LSAMP: variants seen among roughly 807,000 people sequenced by gnomAD.
LSAMP encodes the protein limbic system-associated membrane protein.
A neutral mutation model predicts 38.6 loss-of-function variants in LSAMP; 7 were observed. The ratio of observed to expected loss-of-function variants is 0.18; its 90% CI spans 0.10 to 0.34. The LOEUF (loss-of-function observed/expected upper bound fraction) is 0.34. Ranked by LOEUF, LSAMP falls within the 10% of genes least tolerant of loss-of-function variation. The probability of loss-of-function intolerance (pLI) is 1.00; values close to 1 mark genes in which losing one functional copy is unlikely to be tolerated. For synonymous variants in LSAMP, 154 were observed against 166.8 expected, an observed-to-expected ratio of 0.92 and a Z score of 0.59; for missense variants, 313 against 420.0, an observed-to-expected ratio of 0.75 and a Z score of 2.23.
At chr3:116,377,848 C>G (rs2048514057) in intron 1 of LSAMP, among the ~76,000 whole-genome samples, 1 of 151,838 alleles carries the variant, frequency 6.6e-6, no homozygotes. Context: ...TTCTTTTAAC[C>G]AATTAGAAGA....
At chr3:116,215,257 C>T (rs1576438285) in intron 1 of LSAMP, among the ~76,000 whole-genome samples, 1 of 152,182 alleles carries the variant, frequency 6.6e-6, no homozygotes, top group Non-Finnish European at 1.5e-5. Flanking sequence ...TTCCTTCCAT[C>T]TATGATGAAA....
chr3:115,999,803 C>G (rs577234991), intron 3 of LSAMP, among the ~76,000 whole-genome samples: 7 of 152,276 alleles, frequency 4.6e-5, no homozygotes, highest in African/African-American at 1.7e-4. Context: ...GAGGAAAAAG[C>G]TGAATGCCTT....
chr3:116,077,471 T>C (rs1232284967), intron 2 of LSAMP, among the ~76,000 whole-genome samples: 2 of 152,148 alleles, frequency 1.3e-5, no homozygotes, highest in Non-Finnish European at 2.9e-5. Context: ...ATTTTATTCA[T>C]ACATTTCTTT....
At chr3:116,024,343 C>T (rs185595506) in intron 2 of LSAMP, among the ~76,000 whole-genome samples, 3 of 152,074 alleles carry the variant, frequency 2.0e-5, no homozygotes, top group African/African-American at 7.2e-5. Context: ...AGAAAGGTAT[C>T]TCACAGAATT....
rs545396458 is a variant in LSAMP at position 115,831,288 on chromosome 3, T to A, written c.919+10557A>T. Among the ~76,000 whole-genome samples, 7 of 152,246 alleles carry A rather than the reference T, an allele frequency of 4.6e-5. No homozygotes were observed. The South Asian group carries it at 1.2e-3, about 27-fold the overall frequency. ...TGGGAGGCAAACAAGTGAGACACAT[T>A]CCAGGATTTGTTTTGTTTTGTTTCA... On this transcript the variant is annotated intron_variant, in intron 6 of 6. Transcript: ENST00000490035.
intron 4 of LSAMP, among the ~76,000 whole-genome samples, chr3:115,847,595 TG>T (rs1357601286): frequency 6.6e-6 from 1 of 152,178 alleles, no homozygotes; most frequent in Non-Finnish European, 1.5e-5. Context: ...AATTGAATCA[TG>T]GGGGCAGTTC....
intron 2 of LSAMP, among the ~76,000 whole-genome samples, chr3:116,062,464 C>T (rs979801270): frequency 6.6e-5 from 10 of 151,964 alleles, no homozygotes; most frequent in Admixed American, 1.3e-4. Context: ...TGCGGTGAGC[C>T]GGGATTGTGC....
At chr3:116,434,392 A>T (rs1451220104) in intron 1 of LSAMP, among the ~76,000 whole-genome samples, 1 of 152,242 alleles carries the variant, frequency 6.6e-6, no homozygotes, top group Non-Finnish European at 1.5e-5. Context: ...TTTTTAAGAC[A>T]TGTAGTAAAT....
At chr3:116,017,689 C>T (rs1940522667) in intron 3 of LSAMP, among the ~76,000 whole-genome samples, 1 of 152,118 alleles carries the variant, frequency 6.6e-6, no homozygotes, top group Non-Finnish European at 1.5e-5. Flanking sequence ...TGAAAATTCA[C>T]TGGGTCCTTT....
chr3:115,842,237 G>A (rs1576135983), intron 5 of LSAMP, among the ~76,000 whole-genome samples: 2 of 152,344 alleles, frequency 1.3e-5, no homozygotes, highest in East Asian at 3.9e-4. Flanking sequence ...GCAGGTGAAA[G>A]CTACCCATTG....
chr3:116,336,099 T>C (rs956553268), intron 1 of LSAMP, among the ~76,000 whole-genome samples: 1 of 151,890 alleles, frequency 6.6e-6, no homozygotes, highest in Non-Finnish European at 1.5e-5. Flanking sequence ...TAATATCATA[T>C]AAAAATTAAC....
chr3:116,106,365 GT>G (rs1423252544), intron 1 of LSAMP, among the ~76,000 whole-genome samples: 1 of 152,132 alleles, frequency 6.6e-6, no homozygotes, highest in African/African-American at 2.4e-5. Flanking sequence ...GGGATGACAA[GT>G]TTTTTTTGGG....
intron 1 of LSAMP, among the ~76,000 whole-genome samples, chr3:116,273,288 A>G (rs901244399): frequency 6.6e-6 from 1 of 151,906 alleles, no homozygotes. Flanking sequence ...TTCCCTGTGT[A>G]ACGTCTGACC....
At chr3:116,211,839 C>T (rs1258651934) in intron 1 of LSAMP, among the ~76,000 whole-genome samples, 1 of 152,132 alleles carries the variant, frequency 6.6e-6, no homozygotes, top group African/African-American at 2.4e-5. Flanking sequence ...GTGGATGATG[C>T]CATCTTCCAG....
intron 2 of LSAMP, among the ~76,000 whole-genome samples, chr3:116,045,669 T>G (rs1941275356): frequency 6.6e-6 from 1 of 152,038 alleles, no homozygotes; most frequent in Admixed American, 6.6e-5. Context: ...ATAAGTTGGA[T>G]GTTACTTAGG....
intron 1 of LSAMP, among the ~76,000 whole-genome samples, chr3:116,123,169 C>T (rs1446214884): frequency 2.0e-5 from 3 of 152,164 alleles, no homozygotes; most frequent in African/African-American, 7.2e-5. Flanking sequence ...GTCTCCTCTA[C>T]CCACATGTAA....
chr3:115,875,717 A>G (rs1253493298), intron 3 of LSAMP, among the ~76,000 whole-genome samples: 1 of 152,086 alleles, frequency 6.6e-6, no homozygotes, highest in African/African-American at 2.4e-5. Context: ...CATTATTTCC[A>G]GGGTTCTTGA....
At chr3:116,411,539 C>T (rs1057143408) in intron 1 of LSAMP, among the ~76,000 whole-genome samples, 4 of 147,794 alleles carry the variant, frequency 2.7e-5, no homozygotes, top group African/African-American at 1.0e-4. Flanking sequence ...AAAAACCAAA[C>T]ACCGCATGTT....
intron 1 of LSAMP, among the ~76,000 whole-genome samples, chr3:116,426,016 A>T (rs1015341437): frequency 3.9e-5 from 6 of 152,152 alleles, no homozygotes; most frequent in Non-Finnish European, 2.9e-5. Context: ...TGCAACAAAA[A>T]CTGGAGGCCA....
Sources: gnomAD v4.1 joint callset for allele counts (sites outside exome capture counted in the v4.1 genomes callset) on GRCh38, gnomAD v4.1.1 for gene constraint, MANE v1.5 for transcripts, NCBI Gene and HGNC (gene_info 2026-07-23, HGNC 2026-07-21) for gene names.